COL6A5: variants seen among roughly 807,000 people sequenced by gnomAD.
The protein encoded by COL6A5 is collagen alpha-5(VI) chain.
Under a neutral mutation model 65.6 loss-of-function variants are expected in COL6A5, and 48 were observed. That is an observed-to-expected ratio of 0.73 (90% confidence interval 0.58 to 0.93). The LOEUF is 0.93. Ranked by LOEUF, COL6A5 falls within the 40% of genes least tolerant of loss-of-function variation. COL6A5 has a pLI of 0.00. For synonymous variants in COL6A5, 291 were observed against 322.8 expected, an observed-to-expected ratio of 0.90 and a Z score of 1.05; for missense variants, 914 against 928.3, an observed-to-expected ratio of 0.98 and a Z score of 0.20.
At chr3:130,388,807 A>G (rs1484755649) in exon 6 of COL6A5, 1 of 1,551,436 alleles carries the variant, frequency 6.4e-7, no homozygotes, top group Non-Finnish European at 8.7e-7. Context: ...TGCAATAGAT[A>G]GAATGTCTCT....
At chr3:130,382,320 G>A (rs929499257) in intron 4 of COL6A5, among the ~76,000 whole-genome samples, 2 of 152,120 alleles carry the variant, frequency 1.3e-5, no homozygotes, top group Admixed American at 6.6e-5. Flanking sequence ...CCTGGTTCAA[G>A]TGCCAGGCAA....
At chr3:130,388,117 A>G (rs972758105) in intron 5 of COL6A5, among the ~76,000 whole-genome samples, 3 of 152,044 alleles carry the variant, frequency 2.0e-5, no homozygotes, top group Non-Finnish European at 4.4e-5. Flanking sequence ...ATCACTTAGA[A>G]TTATCCCAGA....
Position 130,384,976 on chromosome 3 carries a change from A to G in COL6A5, c.1473A>G (p.Glu491=), listed in dbSNP as rs893663870. 5.2e-6 allele frequency: 8 copies of G among 1,550,924 alleles called. No homozygotes were observed. In the Admixed American group the frequency reaches 5.9e-5, roughly 11 times the overall value. Residue 491 remains glutamate, a synonymous_variant and NMD_transcript_variant, in exon 5 of 42, where the codon GAA becomes GAG. Transcript: ENST00000312481. ...TTGTGCAGTATTCAGATGACACAGA[A>G]GTGGAATTTTATATCACTGACTATT... is the stretch of plus-strand genomic sequence containing the variant.
intron 1 of COL6A5, among the ~76,000 whole-genome samples, chr3:130,360,728 CTTTG>C (rs560133648): frequency 2.6e-4 from 40 of 152,214 alleles, no homozygotes; most frequent in African/African-American, 9.1e-4. Context: ...TACCATAGCC[CTTTG>C]TTTGTTATAC....
intron 5 of COL6A5, among the ~76,000 whole-genome samples, chr3:130,465,929 G>T (rs138838371): frequency 2.1e-4 from 32 of 151,992 alleles, no homozygotes; most frequent in African/African-American, 7.2e-4. Flanking sequence ...TGGGATAATG[G>T]CAAATTAGAT....
At chr3:130,388,816 C>T (rs781332330) in exon 6 of COL6A5, 1 of 1,551,374 alleles carries the variant, frequency 6.4e-7, no homozygotes, top group Non-Finnish European at 8.7e-7. Flanking sequence ...TAGAATGTCT[C>T]TCATCAATGA....
chr3:130,384,559 T>G (rs970590413), intron 4 of COL6A5, among the ~76,000 whole-genome samples: 3 of 152,064 alleles, frequency 2.0e-5, no homozygotes, highest in Non-Finnish European at 2.9e-5. Context: ...TCTTTACTCT[T>G]TAATTTACTG....
At chr3:130,352,087 C>T (rs986885503) in intron 1 of COL6A5, among the ~76,000 whole-genome samples, 1 of 152,140 alleles carries the variant, frequency 6.6e-6, no homozygotes, top group Non-Finnish European at 1.5e-5. Context: ...CGTTCTCACT[C>T]ATAGGTGGGA....
At position 130,376,566 on chromosome 3, in the gene COL6A5, C is replaced by A. The variant is rs756254872; in HGVS notation, c.397C>A (p.Gln133Lys). The A allele has an allele frequency of 1.5e-5, 24 of 1,605,180 alleles. No homozygotes were observed. In the South Asian group the frequency reaches 2.7e-4, roughly 18 times the overall value. Reference sequence around the variant, plus strand: ...ACCCATAAATGGGAGAGACAGGAAACAGTTTCCCCCAATTTTGGTGGTCCT... The same window carrying A: ...ACCCATAAATGGGAGAGACAGGAAAAAGTTTCCCCCAATTTTGGTGGTCCT... The change falls in exon 3 of 42, where the codon CAG becomes AAG. Residue 133 changes from glutamine to lysine, a missense_variant and NMD_transcript_variant. By Grantham distance (53) the Gln-to-Lys change is moderately conservative. Coordinates refer to the COL6A5 transcript ENST00000312481.
chr3:130,452,447 C>T (rs1032252715), intron 4 of COL6A5, among the ~76,000 whole-genome samples: 6 of 152,198 alleles, frequency 3.9e-5, no homozygotes, highest in African/African-American at 1.4e-4. Context: ...GCTGGGCATC[C>T]GGGGGAGACA....
chr3:130,482,654 A>T (rs1335778817), intron 7 of COL6A5, among the ~76,000 whole-genome samples: 1 of 152,114 alleles, frequency 6.6e-6, no homozygotes, highest in African/African-American at 2.4e-5. Context: ...CATTTTCACG[A>T]TATTGATTCT....
chr3:130,410,996 C>T (rs1480179143), intron 20 of COL6A5, among the ~76,000 whole-genome samples: 1 of 152,160 alleles, frequency 6.6e-6, no homozygotes, highest in African/African-American at 2.4e-5. Flanking sequence ...ATACTATGAA[C>T]TAGGTAAATA....
intron 1 of COL6A5, among the ~76,000 whole-genome samples, chr3:130,352,541 A>G (rs1934761716): frequency 6.6e-6 from 1 of 152,176 alleles, no homozygotes; most frequent in African/African-American, 2.4e-5. Flanking sequence ...AGTAACCTTG[A>G]GAGTTTGTAA....
At chr3:130,393,624 G>A (rs897645242) in intron 7 of COL6A5, among the ~76,000 whole-genome samples, 10 of 152,198 alleles carry the variant, frequency 6.6e-5, no homozygotes, top group African/African-American at 1.4e-4. Context: ...AGTTTGGGAT[G>A]CAAGATGTTT....
intron 5 of COL6A5, among the ~76,000 whole-genome samples, chr3:130,465,513 T>C (rs1169227748): frequency 6.6e-6 from 1 of 151,976 alleles, no homozygotes; most frequent in African/African-American, 2.4e-5. Context: ...GGCTCAGTAA[T>C]AGGAAATAAT....
chr3:130,414,854 A>G (rs1047512723), intron 22 of COL6A5, among the ~76,000 whole-genome samples: 2 of 152,036 alleles, frequency 1.3e-5, no homozygotes. Flanking sequence ...AGGTATTAGG[A>G]CCAAACTGGA....
exon 27 of COL6A5, chr3:130,421,349 GC>G (rs1559893751): frequency 6.4e-7 from 1 of 1,550,742 alleles, no homozygotes; most frequent in South Asian, 1.2e-5. Flanking sequence ...CCCTGGAGAT[GC>G]GGGGCAGAAG....
chr3:130,442,781 G>A (rs1037626021), intron 3 of COL6A5, among the ~76,000 whole-genome samples: 12 of 152,150 alleles, frequency 7.9e-5, no homozygotes, highest in African/African-American at 2.9e-4. Context: ...TAGAAAAAAG[G>A]AAAGAAATGC....
At chr3:130,391,068 G>T (rs1456671223) in intron 6 of COL6A5, 111 bp from the exon 7 acceptor site, 1 of 717,196 alleles carries the variant, frequency 1.4e-6, no homozygotes, top group East Asian at 2.7e-5. Flanking sequence ...GTGAGATATA[G>T]TGTCTGACAC....
Sources: allele counts gnomAD v4.1 joint callset (sites outside exome capture counted in the v4.1 genomes callset), GRCh38; gene constraint gnomAD v4.1.1; transcripts MANE v1.5; gene names NCBI Gene and HGNC (gene_info 2026-07-23, HGNC 2026-07-21).